Variants in GRIK3 observed in about 807,000 individuals in gnomAD.
GRIK3 encodes the protein glutamate receptor ionotropic, kainate 3.
In GRIK3, 29 loss-of-function variants were observed where a neutral mutation model predicts 102.5. That is an observed-to-expected ratio of 0.28 (90% CI 0.21 to 0.39). GRIK3 has a LOEUF of 0.39. Among genes scored for constraint, GRIK3 ranks in the 10% least tolerant of loss-of-function variants. The pLI is 1.00. For missense variants in GRIK3, 908 were observed against 1,252.4 expected, an observed-to-expected ratio of 0.73 and a Z score of 4.15; for synonymous variants, 511 against 504.9, an observed-to-expected ratio of 1.01 and a Z score of -0.16.
At chr1:37,032,676 G>A (rs1642841020) in intron 1 of GRIK3, among the ~76,000 whole-genome samples, 1 of 152,206 alleles carries the variant, frequency 6.6e-6, no homozygotes, top group African/African-American at 2.4e-5. Flanking sequence ...CTCCGGTGCT[G>A]GTGTTTGCCT....
chr1:37,005,077 C>G (rs1042274608), intron 1 of GRIK3, among the ~76,000 whole-genome samples: 4 of 152,148 alleles, frequency 2.6e-5, no homozygotes, highest in Non-Finnish European at 5.9e-5. Flanking sequence ...ATGAGAGAAC[C>G]CTCAATTCTA....
intron 1 of GRIK3, among the ~76,000 whole-genome samples, chr1:36,902,909 C>A (rs1489570034): frequency 3.9e-5 from 6 of 152,036 alleles, no homozygotes; most frequent in Admixed American, 1.3e-4. Context: ...CCTGTCTCAG[C>A]CTCCTGAGTA....
At chr1:36,827,608 T>C (rs1409043673) in intron 10 of GRIK3, among the ~76,000 whole-genome samples, 1 of 152,144 alleles carries the variant, frequency 6.6e-6, no homozygotes, top group Non-Finnish European at 1.5e-5. Flanking sequence ...GCTTACAGTC[T>C]AGTAGGGGAG....
chr1:36,962,823 G>A (rs1642029084), intron 1 of GRIK3, among the ~76,000 whole-genome samples: 1 of 149,218 alleles, frequency 6.7e-6, no homozygotes, highest in African/African-American at 2.5e-5. Flanking sequence ...GGCGGAGGTT[G>A]CAGTGAGCCG....
At position 36,912,023 on chromosome 1, in the gene GRIK3, C is replaced by T. The variant is rs1641350924; in HGVS notation, c.116-20927G>A. Reference sequence around the variant, plus strand: ...GTGTTTGGGGCCCTTCCCCATCCAGCCCAGCCTCTCTTCAGCGTCCACTCT... The same window carrying T: ...GTGTTTGGGGCCCTTCCCCATCCAGTCCAGCCTCTCTTCAGCGTCCACTCT... On this transcript the variant is annotated intron_variant, in intron 1 of 15. Coordinates refer to ENST00000373091, the MANE Select transcript of GRIK3 (RefSeq NM_000831.4). Among the ~76,000 whole-genome samples, 4 of 152,154 alleles carry T rather than the reference C, an allele frequency of 2.6e-5. No individual in the cohort carries two copies. The South Asian group carries it at 6.2e-4, about 24-fold the overall frequency.
At chr1:36,892,311 CTG>C (rs1641126647) in intron 1 of GRIK3, among the ~76,000 whole-genome samples, 1 of 152,166 alleles carries the variant, frequency 6.6e-6, no homozygotes, top group Non-Finnish European at 1.5e-5. Context: ...GTGTGAGCCA[CTG>C]TGCCGGACTA....
At chr1:36,902,853 A>G (rs960154451) in intron 1 of GRIK3, among the ~76,000 whole-genome samples, 2 of 152,052 alleles carry the variant, frequency 1.3e-5, no homozygotes, top group Admixed American at 6.6e-5. Context: ...GCAGTGGTAC[A>G]ACCTTGGCTC....
intron 3 of GRIK3, among the ~76,000 whole-genome samples, chr1:36,873,479 G>A (rs1640865062): frequency 6.6e-6 from 1 of 152,060 alleles, no homozygotes; most frequent in African/African-American, 2.4e-5. Flanking sequence ...TTGTTACTCT[G>A]TATATACTTC....
rs61125066 is a variant in GRIK3 at position 36,975,288 on chromosome 1, G to GTTTTTTTTTTTTTTTTTTTTTTTTTT, written c.115+58705_115+58706insAAAAAAAAAAAAAAAAAAAAAAAAAA. 2.6e-5 allele frequency among the ~76,000 whole-genome samples: 3 copies of GTTTTTTTTTTTTTTTTTTTTTTTTTT among 113,372 alleles called. 1 individual carries two copies. The highest frequency in any genetic ancestry group is 7.6e-5 in the African/African-American group (2 of 26,260). 74.4% of individuals were successfully genotyped at this position (113,372 alleles called of 152,430 possible). On this transcript the variant is annotated intron_variant, in intron 1 of 15. Coordinates refer to ENST00000373091, the MANE Select transcript of GRIK3 (RefSeq NM_000831.4). ...AAATCAATGAGCTTATCTAAAGTTG[G>GTTTTTTTTTTTTTTTTTTTTTTTTTT]TTTTTTTTTTTTTTTTTTTTGAGAG...
At chr1:36,814,291 C>T (rs532510563) in intron 13 of GRIK3, among the ~76,000 whole-genome samples, 5 of 152,262 alleles carry the variant, frequency 3.3e-5, no homozygotes, top group African/African-American at 9.6e-5. Context: ...TCACTTTGAT[C>T]GGGAGCCCTG....
At chr1:36,858,060 C>T (rs1407003646) in intron 7 of GRIK3, among the ~76,000 whole-genome samples, 1 of 152,180 alleles carries the variant, frequency 6.6e-6, no homozygotes, top group Non-Finnish European at 1.5e-5. Context: ...GCTCATTTGT[C>T]CTTTCTATCC....
chr1:36,828,186 C>A (rs915062947), intron 10 of GRIK3, among the ~76,000 whole-genome samples: 1 of 151,994 alleles, frequency 6.6e-6, no homozygotes, highest in Non-Finnish European at 1.5e-5. Flanking sequence ...AGATAGGATC[C>A]CTTGGTGGGG....
intron 1 of GRIK3, among the ~76,000 whole-genome samples, chr1:36,936,970 G>A (rs552974428): frequency 7.2e-4 from 109 of 152,230 alleles, no homozygotes; most frequent in Non-Finnish European, 1.2e-3. Flanking sequence ...TAGGATCCCC[G>A]CCACCCACAG....
At chr1:36,809,417 A>G (rs1334428505) in intron 13 of GRIK3, among the ~76,000 whole-genome samples, 1 of 151,554 alleles carries the variant, frequency 6.6e-6, no homozygotes, top group Non-Finnish European at 1.5e-5. Flanking sequence ...CCATCCCCCA[A>G]TCATCCATCC....
chr1:36,863,728 C>T (rs558876282), intron 5 of GRIK3, among the ~76,000 whole-genome samples: 16 of 152,298 alleles, frequency 1.1e-4, no homozygotes, highest in East Asian at 1.9e-4. Flanking sequence ...GTGCGTCAGA[C>T]GCGATTCTGC....
rs559298930 is a variant in GRIK3, at chr1:36,875,612, G to T, written c.551-3243C>A. ...ATGTGCCTCGGCTATCCTGCTGGAG[G>T]ATGAGAGACAGGTGGAGAGCTGAAT... On this transcript the variant is annotated intron_variant, in intron 3 of 15. Transcript: ENST00000373091. Among the ~76,000 whole-genome samples, 10 of 152,310 alleles carry T rather than the reference G, an allele frequency of 6.6e-5. No homozygotes were observed. In the East Asian group the frequency reaches 1.9e-3, roughly 29 times the overall value.
At chr1:36,879,050 C>A (rs968278295) in intron 3 of GRIK3, among the ~76,000 whole-genome samples, 4 of 152,098 alleles carry the variant, frequency 2.6e-5, no homozygotes, top group African/African-American at 9.7e-5. Flanking sequence ...GCTCTTCTCT[C>A]CCTTTTCCCT....
At chr1:36,845,158 G>C (rs1446793591) in intron 9 of GRIK3, among the ~76,000 whole-genome samples, 2 of 152,182 alleles carry the variant, frequency 1.3e-5, no homozygotes, top group Non-Finnish European at 2.9e-5. Flanking sequence ...CATTTCCTAG[G>C]GGGTAATTCT....
intron 1 of GRIK3, among the ~76,000 whole-genome samples, chr1:36,926,696 C>T (rs369418645): frequency 6.6e-6 from 1 of 152,190 alleles, no homozygotes; most frequent in East Asian, 1.9e-4. Flanking sequence ...GCCCTACTCC[C>T]CACTTTTTAA....
Sources: gnomAD v4.1 joint callset for allele counts (sites outside exome capture counted in the v4.1 genomes callset) on GRCh38, gnomAD v4.1.1 for gene constraint, MANE v1.5 for transcripts, NCBI Gene and HGNC (gene_info 2026-07-23, HGNC 2026-07-21) for gene names.